The following DIAPH2 variants were observed in gnomAD, a reference collection of about 807,000 sequenced individuals.
The protein encoded by DIAPH2 is protein diaphanous homolog 2.
A neutral mutation model predicts 92.7 loss-of-function variants in DIAPH2; 35 were observed. The ratio of observed to expected loss-of-function variants is 0.38; its 90% CI spans 0.29 to 0.50. The LOEUF (loss-of-function observed/expected upper bound fraction) is 0.50. DIAPH2 is among the 20% of genes least tolerant of loss of function. The pLI, the probability that DIAPH2 is intolerant of heterozygous loss-of-function variation, is 0.94. For missense variants in DIAPH2, 701 were observed against 819.5 expected, an observed-to-expected ratio of 0.86 and a Z score of 1.77; for synonymous variants, 301 against 280.4, an observed-to-expected ratio of 1.07 and a Z score of -0.73.
chrX:97,043,140 A>G (rs1431484677), intron 17 of DIAPH2, among the ~76,000 whole-genome samples: 1 of 111,834 alleles, frequency 8.9e-6, no homozygotes, highest in Non-Finnish European at 1.9e-5. Flanking sequence ...TTATCAAGTG[A>G]GTGAATACCT....
At position 97,007,753 on chromosome X, in the gene DIAPH2, CTTTTTTTCTTTTTTTTTTTTT is replaced by C. The variant is rs1388174273; in HGVS notation, c.2050+42553_2050+42573del. ...CTATTTGACCTTTTAAGGCTGTTTT[CTTTTTTTCTTTTTTTTTTTTT>C]TTTTTTGAGATGGAGTCTTGCTCTG... On this transcript the variant is annotated intron_variant, in intron 17 of 26. Transcript: ENST00000324765. Among the ~76,000 whole-genome samples, 7 of 92,272 alleles carry C rather than the reference CTTTTTTTCTTTTTTTTTTTTT, an allele frequency of 7.6e-5. No homozygotes were observed. In the East Asian group the frequency reaches 2.3e-3, roughly 30 times the overall value. 80.1% of individuals were successfully genotyped at this position (92,272 alleles called of 115,157 possible).
At chrX:97,385,992 T>G (rs1009401530) in intron 25 of DIAPH2, among the ~76,000 whole-genome samples, 6 of 111,972 alleles carry the variant, frequency 5.4e-5, no homozygotes, top group African/African-American at 1.9e-4. Context: ...TGTTTTTAAG[T>G]GTAATTATTA....
chrX:96,710,358 A>G (rs992009601), intron 1 of DIAPH2, among the ~76,000 whole-genome samples: 1 of 111,831 alleles, frequency 8.9e-6, no homozygotes, highest in Non-Finnish European at 1.9e-5. Flanking sequence ...CGAAAAAATA[A>G]TGTACTTAGC....
Position 96,926,939 on chromosome X carries a change from T to C in DIAPH2, c.979-3794T>C, listed in dbSNP as rs757271066. 3.6e-5 allele frequency among the ~76,000 whole-genome samples: 4 copies of C among 111,656 alleles called. No individual in the cohort carries two copies. In the South Asian group the frequency reaches 1.1e-3, roughly 31 times the overall value. On this transcript the variant is annotated intron_variant, in intron 9 of 26. Coordinates refer to ENST00000324765, the MANE Select transcript of DIAPH2 (RefSeq NM_006729.5). Reference sequence around the variant, plus strand: ...GTAACAATAGATATGGCGGACCATTTTGAAACATAGCCATTATAAAGACAC... The same window carrying C: ...GTAACAATAGATATGGCGGACCATTCTGAAACATAGCCATTATAAAGACAC...
intron 4 of DIAPH2, among the ~76,000 whole-genome samples, chrX:96,792,107 A>C (rs749266984): frequency 8.9e-6 from 1 of 111,905 alleles, no homozygotes; most frequent in East Asian, 2.8e-4. Flanking sequence ...GAGAGTTTCT[A>C]GTAGGGGAAT....
At chrX:96,710,849 ACCCT>A (rs2063913560) in intron 1 of DIAPH2, among the ~76,000 whole-genome samples, 1 of 110,309 alleles carries the variant, frequency 9.1e-6, no homozygotes, top group Non-Finnish European at 1.9e-5. Flanking sequence ...TTTATCCCTC[ACCCT>A]CCCTCCTGAA....
chrX:97,035,908 T>C (rs2066407652), intron 17 of DIAPH2, among the ~76,000 whole-genome samples: 1 of 106,845 alleles, frequency 9.4e-6, no homozygotes, highest in South Asian at 4.2e-4. Flanking sequence ...ACTTGAGAGG[T>C]AGAGGTGGGA....
intron 25 of DIAPH2, among the ~76,000 whole-genome samples, chrX:97,404,914 A>G (rs756640477): frequency 3.6e-5 from 4 of 112,234 alleles, no homozygotes; most frequent in South Asian, 3.7e-4. Context: ...TGGCAGATAT[A>G]TCGATATTCT....
chrX:97,248,068 C>T (rs536833305), intron 23 of DIAPH2, among the ~76,000 whole-genome samples: 1 of 111,673 alleles, frequency 9.0e-6, no homozygotes, highest in Non-Finnish European at 1.9e-5. Flanking sequence ...AAGAAGAATT[C>T]CATTTGAAAG....
Position 97,114,819 on chromosome X carries a change from A to C in DIAPH2, c.2443A>C (p.Ile815Leu). 1 of 1,211,746 alleles carries C rather than the reference A, an allele frequency of 8.3e-7. No individual in the cohort carries two copies. The highest frequency in any genetic ancestry group is 1.1e-6 in the Non-Finnish European group (1 of 895,369). Residue 815 changes from isoleucine (I) to leucine (L), a missense_variant, in exon 21 of 27, where the codon ATA (isoleucine) becomes CTA (leucine). By Grantham distance (5) the Ile-to-Leu change is conservative. Coordinates refer to ENST00000324765, the MANE Select transcript of DIAPH2 (RefSeq NM_006729.5). ...EHINNIKPSI[I>L]AVTLACEELK... ...CATAAACAACATCAAACCAAGCATC[A>C]TAGCAGTAACTCTTGCCTGTGAAGA... is the stretch of plus-strand genomic sequence containing the variant.
At chrX:97,380,983 T>C (rs773746653) in intron 24 of DIAPH2, among the ~76,000 whole-genome samples, 102 of 111,927 alleles carry the variant, frequency 9.1e-4, no homozygotes, top group African/African-American at 3.1e-3. Context: ...ATTTCAGATA[T>C]AAACTGATAG....
intron 4 of DIAPH2, among the ~76,000 whole-genome samples, chrX:96,779,749 A>T (rs180857006): frequency 4.5e-5 from 5 of 112,188 alleles, no homozygotes; most frequent in Non-Finnish European, 7.5e-5. Context: ...AAACAAAAAA[A>T]TTATGGTGTT....
At chrX:97,004,052 C>A (rs1162504471) in intron 17 of DIAPH2, among the ~76,000 whole-genome samples, 2 of 111,279 alleles carry the variant, frequency 1.8e-5, no homozygotes. Context: ...TTGTCCTTTC[C>A]CCCAATGTAT....
At chrX:97,031,633 C>T (rs1196660077) in intron 17 of DIAPH2, among the ~76,000 whole-genome samples, 1 of 111,091 alleles carries the variant, frequency 9.0e-6, no homozygotes, top group Non-Finnish European at 1.9e-5. Context: ...AGGCACTGTG[C>T]TGAATGCTAG....
chrX:97,473,036 G>C (rs1321129495), intron 26 of DIAPH2, among the ~76,000 whole-genome samples: 1 of 112,138 alleles, frequency 8.9e-6, no homozygotes, highest in African/African-American at 3.2e-5. Flanking sequence ...CATGAGTCCT[G>C]TTCTAACTAT....
chrX:96,701,822 C>A (rs145632036), intron 1 of DIAPH2, among the ~76,000 whole-genome samples: 3 of 111,597 alleles, frequency 2.7e-5, no homozygotes, highest in East Asian at 5.6e-4. Context: ...AGAGAGGGAA[C>A]TAACGTTTAG....
chrX:96,763,091 T>G (rs1283326869), intron 4 of DIAPH2: 1 of 961,760 alleles, frequency 1.0e-6, no homozygotes, highest in Non-Finnish European at 1.3e-6. Flanking sequence ...CGTTGACCAC[T>G]GCATGCAGAT....
At chrX:97,317,964 G>A (rs770368451) in intron 23 of DIAPH2, among the ~76,000 whole-genome samples, 1 of 111,771 alleles carries the variant, frequency 8.9e-6, no homozygotes, top group African/African-American at 3.2e-5. Context: ...TTTCTTTGCA[G>A]TGAGAAATTA....
intron 21 of DIAPH2, among the ~76,000 whole-genome samples, chrX:97,138,725 A>G (rs12852390): frequency 0.4 from 44,187 of 110,502 alleles, 7,560 homozygotes; most frequent in Non-Finnish European, 0.54. Flanking sequence ...TTGAAGATAT[A>G]TAAAAGAAGA....
Sources: gnomAD v4.1 joint callset for allele counts (sites outside exome capture counted in the v4.1 genomes callset) on GRCh38, gnomAD v4.1.1 for gene constraint, MANE v1.5 for transcripts, NCBI Gene and HGNC (gene_info 2026-07-23, HGNC 2026-07-21) for gene names.